The following CALN1 variants were observed in gnomAD, a reference collection of about 807,000 sequenced individuals.
The protein encoded by CALN1 is calcium-binding protein 8.
A neutral mutation model predicts 30.6 loss-of-function variants in CALN1; 17 were observed. The ratio of observed to expected loss-of-function variants is 0.56; its 90% confidence interval spans 0.38 to 0.83. The LOEUF is 0.83. Among genes scored for constraint, CALN1 ranks in the 40% least tolerant of loss-of-function variants. The pLI is 0.00. For missense variants in CALN1, 291 were observed against 354.9 expected, an observed-to-expected ratio of 0.82 and a Z score of 1.45; for synonymous variants, 156 against 131.4, an observed-to-expected ratio of 1.19 and a Z score of -1.28.
rs1306103023 is a variant in CALN1 at position 72,014,886 on chromosome 7, C to CTCCTGGGCTGAAGCGA, written c.501+8755_501+8770dup. The stretch of plus-strand genomic sequence containing the variant: ...CTTTGTTACCCAGGCTGGTCTCAAA[C>CTCCTGGGCTGAAGCGA]TCCTGGGCTGAAGCGATCCTCCGCC... On this transcript the variant is annotated intron_variant, in intron 5 of 6. Coordinates refer to ENST00000395275, the MANE Select transcript of CALN1 (RefSeq NM_031468.4). Among the ~76,000 whole-genome samples the CTCCTGGGCTGAAGCGA allele has an allele frequency of 2.0e-5, 3 of 151,946 alleles. No individual in the cohort carries two copies. The East Asian group carries it at 5.8e-4, about 30-fold the overall frequency.
chr7:72,079,631 G>C (rs1470177955), intron 4 of CALN1, among the ~76,000 whole-genome samples: 2 of 151,898 alleles, frequency 1.3e-5, no homozygotes, highest in African/African-American at 4.8e-5. Flanking sequence ...CTACATTTCT[G>C]GGTCACCATG....
intron 5 of CALN1, among the ~76,000 whole-genome samples, chr7:71,862,724 A>C (rs1238775252): frequency 1.3e-5 from 2 of 152,220 alleles, no homozygotes; most frequent in Admixed American, 6.6e-5. Flanking sequence ...TAGATACATT[A>C]TCCTGACCAG....
At chr7:71,801,052 G>C (rs966073305) in intron 6 of CALN1, among the ~76,000 whole-genome samples, 1 of 152,136 alleles carries the variant, frequency 6.6e-6, no homozygotes, top group African/African-American at 2.4e-5. Context: ...TTATGAGTGA[G>C]AACATGCGGT....
At chr7:72,198,589 C>G (rs73141583) in intron 3 of CALN1, among the ~76,000 whole-genome samples, 583 of 152,214 alleles carry the variant, frequency 3.8e-3, no homozygotes, top group Non-Finnish European at 4.9e-3. Context: ...TATAACCACC[C>G]CCCACCCTTT....
intron 5 of CALN1, among the ~76,000 whole-genome samples, chr7:71,852,472 A>T (rs1285202661): frequency 5.4e-5 from 2 of 37,342 alleles, no homozygotes; most frequent in Non-Finnish European, 8.2e-5. Context: ...CCCTGTCTCT[A>T]AAAAAAAAAA....
chr7:72,277,368 G>T (rs539379907), intron 3 of CALN1, among the ~76,000 whole-genome samples: 1 of 152,154 alleles, frequency 6.6e-6, no homozygotes, highest in Non-Finnish European at 1.5e-5. Context: ...CTGCTTCTGT[G>T]TCCTGCACCA....
At chr7:72,071,970 T>C (rs1174877413) in intron 4 of CALN1, among the ~76,000 whole-genome samples, 1 of 152,074 alleles carries the variant, frequency 6.6e-6, no homozygotes, top group Non-Finnish European at 1.5e-5. Flanking sequence ...AAGGAAATTA[T>C]CACTTCTTCA....
intron 3 of CALN1, among the ~76,000 whole-genome samples, chr7:72,109,427 C>A (rs985646149): frequency 9.2e-5 from 14 of 152,138 alleles, no homozygotes; most frequent in African/African-American, 3.1e-4. Context: ...AAGTGAAGAA[C>A]AGGAAGCCTG....
intron 3 of CALN1, among the ~76,000 whole-genome samples, chr7:72,207,124 G>A (rs770420957): frequency 6.6e-6 from 1 of 152,174 alleles, no homozygotes; most frequent in Admixed American, 6.6e-5. Context: ...GGTAAAATCT[G>A]CATTTCATGA....
At chr7:71,880,998 G>C (rs1277095422) in intron 5 of CALN1, among the ~76,000 whole-genome samples, 1 of 152,180 alleles carries the variant, frequency 6.6e-6, no homozygotes, top group Non-Finnish European at 1.5e-5. Flanking sequence ...CCCTCAATCT[G>C]GGTGGGCACC....
chr7:72,121,386 T>G (rs1364366043), intron 3 of CALN1, among the ~76,000 whole-genome samples: 1 of 145,950 alleles, frequency 6.9e-6, no homozygotes, highest in African/African-American at 2.5e-5. Flanking sequence ...ACGTATTATA[T>G]AATATAGATG....
intron 2 of CALN1, among the ~76,000 whole-genome samples, chr7:72,304,115 C>T (rs564713097): frequency 7.8e-4 from 119 of 152,282 alleles, no homozygotes; most frequent in African/African-American, 2.5e-3. Flanking sequence ...AGCCCTCCCC[C>T]GAAACCACCG....
chr7:72,372,918 A>G (rs1804329675), intron 2 of CALN1, among the ~76,000 whole-genome samples: 1 of 152,206 alleles, frequency 6.6e-6, no homozygotes, highest in Non-Finnish European at 1.5e-5. Flanking sequence ...AACACATGGG[A>G]TGCCAAAATG....
chr7:72,038,125 C>T (rs191801356), intron 4 of CALN1, among the ~76,000 whole-genome samples: 3 of 152,054 alleles, frequency 2.0e-5, no homozygotes, highest in East Asian at 1.9e-4. Context: ...TCAGAACACA[C>T]GTCCCTGATA....
At chr7:72,179,545 A>C (rs913671655) in intron 3 of CALN1, among the ~76,000 whole-genome samples, 1 of 152,188 alleles carries the variant, frequency 6.6e-6, no homozygotes, top group Non-Finnish European at 1.5e-5. Context: ...TGAAAATTAA[A>C]ACTGAAGAAG....
intron 2 of CALN1, among the ~76,000 whole-genome samples, chr7:72,390,951 G>A (rs1360615573): frequency 6.6e-6 from 1 of 152,108 alleles, no homozygotes; most frequent in African/African-American, 2.4e-5. Flanking sequence ...AGGGATCCAT[G>A]CACCAAAAGT....
At chr7:72,479,848 G>A in the CALN1 span, among the ~76,000 whole-genome samples, 1 of 152,162 alleles carries the variant, frequency 6.6e-6, no homozygotes, top group Non-Finnish European at 1.5e-5. Flanking sequence ...ACTGAGCCCG[G>A]CTTACAGCAC....
chr7:72,082,743 A>G (rs554944827), intron 4 of CALN1, among the ~76,000 whole-genome samples: 22 of 152,380 alleles, frequency 1.4e-4, no homozygotes, highest in Admixed American at 1.2e-3. Flanking sequence ...AAGCTGTAAC[A>G]GAACTCCTAT....
chr7:72,358,582 GGA>G (rs1803378727), intron 2 of CALN1, among the ~76,000 whole-genome samples: 1 of 152,074 alleles, frequency 6.6e-6, no homozygotes, highest in South Asian at 2.1e-4. Context: ...CCCCAACTTC[GGA>G]GAGAGAAGAA....
Sources: allele counts gnomAD v4.1 joint callset (sites outside exome capture counted in the v4.1 genomes callset), GRCh38; gene constraint gnomAD v4.1.1; transcripts MANE v1.5; gene names NCBI Gene and HGNC (gene_info 2026-07-23, HGNC 2026-07-21).